The following ACBD6 variants were observed in gnomAD, a reference collection of about 807,000 sequenced individuals.
ACBD6 encodes acyl-CoA binding domain containing 6.
Under a neutral mutation model 37.2 loss-of-function variants are expected in ACBD6, and 28 were observed. The observed-to-expected ratio is 0.75, with a 90% CI of 0.56 to 1.03. The LOEUF (loss-of-function observed/expected upper bound fraction) is 1.03. Ranked by LOEUF, ACBD6 falls within the 50% of genes least tolerant of loss-of-function variation. The probability of loss-of-function intolerance (pLI) is 0.00; values close to 1 mark genes in which losing one functional copy is unlikely to be tolerated. For synonymous variants in ACBD6, 113 were observed against 126.8 expected (o/e 0.89, Z 0.73); for missense variants, 340 against 337.4 (o/e 1.01, Z -0.06).
rs546510628 is a variant in ACBD6, at chr1:180,429,215, C to T, written c.467+965G>A. ...ACTTTTTCATCTTGTAAAACTGAAA[C>T]TCTGTCCCCATTAAACAACTTCCCA... On this transcript the variant is annotated intron_variant, in intron 4 of 7. Coordinates refer to ENST00000367595, the MANE Select transcript of ACBD6 (RefSeq NM_032360.4). Among the ~76,000 whole-genome samples the T allele has an allele frequency of 2.0e-5, 3 of 151,862 alleles. No individual in the cohort carries two copies. The South Asian group carries it at 6.3e-4, about 32-fold the overall frequency.
At chr1:180,463,477 C>T (rs947902051) in intron 3 of ACBD6, among the ~76,000 whole-genome samples, 5 of 152,022 alleles carry the variant, frequency 3.3e-5, no homozygotes, top group Non-Finnish European at 1.5e-5. Flanking sequence ...AATTCCTGAA[C>T]ACATATACTC....
chr1:180,407,723 C>A (rs1462049261), intron 5 of ACBD6, among the ~76,000 whole-genome samples: 2 of 152,184 alleles, frequency 1.3e-5, no homozygotes, highest in African/African-American at 2.4e-5. Flanking sequence ...GGTCTCTGAA[C>A]TTCAGTTCCT....
At chr1:180,440,865 T>C (rs981024646) in intron 3 of ACBD6, among the ~76,000 whole-genome samples, 5 of 152,348 alleles carry the variant, frequency 3.3e-5, no homozygotes, top group East Asian at 3.9e-4. Flanking sequence ...ATCTATATTA[T>C]AGCATGTATC....
intron 3 of ACBD6, among the ~76,000 whole-genome samples, chr1:180,488,812 C>T (rs1462753599): frequency 6.6e-6 from 1 of 152,056 alleles, no homozygotes; most frequent in Non-Finnish European, 1.5e-5. Context: ...AACTCCTGGC[C>T]TCAAGTGATC....
At chr1:180,421,579 GTC>G (rs1199920982) in intron 4 of ACBD6, among the ~76,000 whole-genome samples, 1 of 152,168 alleles carries the variant, frequency 6.6e-6, no homozygotes, top group Non-Finnish European at 1.5e-5. Flanking sequence ...TTGTCACACT[GTC>G]TTCCACAATG....
chr1:180,480,949 G>A (rs1002510452), intron 3 of ACBD6, among the ~76,000 whole-genome samples: 4 of 151,682 alleles, frequency 2.6e-5, no homozygotes, highest in Non-Finnish European at 4.4e-5. Flanking sequence ...GAGAATTGCT[G>A]GAACCCGGGA....
In ACBD6 at chr1:180,314,680, G is replaced by A; in HGVS notation, c.694+12C>T. 1 of 1,519,238 alleles carries A rather than the reference G, an allele frequency of 6.6e-7. No homozygotes were observed. The highest frequency in any genetic ancestry group is 9.1e-7 in the Non-Finnish European group (1 of 1,096,484). The allele number at this position is 1,519,238 out of a possible 1,614,324, so 94.1% of individuals were successfully genotyped here. ...TCAAATATGATTACTTAATAATTTA[G>A]AAACTTCTTACCATAATGTAGAGCT... On this transcript the variant is annotated intron_variant, in intron 7 of 7. Transcript: ENST00000367595.
In ACBD6 at chr1:180,502,492, C is replaced by G. The variant is rs1480033821; in HGVS notation, c.-226G>C. ...ACCCTCTGCCGCTCTGCCCAGTCGA[C>G]CCGGTCTCCTCCGGCTTCCCTCCGG... On this transcript the variant is annotated 5_prime_UTR_variant, in exon 1 of 8. Transcript: ENST00000367595. 2 of 583,036 alleles carry G rather than the reference C, an allele frequency of 3.4e-6. No homozygotes were observed. The highest frequency in any genetic ancestry group is 3.7e-5 in the African/African-American group (2 of 53,946). 36.1% of individuals were successfully genotyped at this position (583,036 alleles called of 1,614,324 possible). A position where few individuals can be genotyped will look rare whatever the true frequency, so the allele number is the denominator to read the frequency against.
At chr1:180,361,347 T>C (rs1035376179) in intron 6 of ACBD6, among the ~76,000 whole-genome samples, 1 of 150,744 alleles carries the variant, frequency 6.6e-6, no homozygotes, top group African/African-American at 2.4e-5. Flanking sequence ...GTCAGGGCGC[T>C]ACCTTAAAGA....
rs79579637 is a variant in ACBD6, at chr1:180,344,608, T to C, written c.664-29886A>G. 2.0e-5 allele frequency among the ~76,000 whole-genome samples: 3 copies of C among 152,332 alleles called. No individual in the cohort carries two copies. In the East Asian group the frequency reaches 5.8e-4, roughly 29 times the overall value. On this transcript the variant is annotated intron_variant, in intron 6 of 7. Coordinates refer to ENST00000367595, the MANE Select transcript of ACBD6 (RefSeq NM_032360.4). ...TGCAGTAAAGAAAAAGGAGCAAACA[T>C]TGACCGAATACCCATTGTGTGCTGG...
intron 3 of ACBD6, among the ~76,000 whole-genome samples, chr1:180,478,759 C>T (rs1650898633): frequency 6.6e-6 from 1 of 152,098 alleles, no homozygotes; most frequent in Non-Finnish European, 1.5e-5. Context: ...GCTGGGATTA[C>T]AGGCATGAGT....
Position 180,303,855 on chromosome 1 carries a change from C to A in ACBD6, c.694+10837G>T, listed in dbSNP as rs181298976. On this transcript the variant is annotated intron_variant, in intron 7 of 7. Coordinates refer to ENST00000367595, the MANE Select transcript of ACBD6 (RefSeq NM_032360.4). ...TGATGAATACTGATGCAAAAATCAT[C>A]AATAAAATACTGGCAAACCGAATCC... Among the ~76,000 whole-genome samples the A allele has an allele frequency of 4.0e-3, 605 of 150,962 alleles. 5 individuals are homozygous for A. The highest frequency in any genetic ancestry group is 0.014 in the African/African-American group (581 of 41,454).
chr1:180,414,095 G>C (rs182475567), intron 4 of ACBD6, among the ~76,000 whole-genome samples: 21 of 152,310 alleles, frequency 1.4e-4, no homozygotes, highest in African/African-American at 4.8e-4. Flanking sequence ...ATCTGAAGCA[G>C]AAGTTCTTAA....
chr1:180,412,752 G>T (rs1392284322), intron 5 of ACBD6, among the ~76,000 whole-genome samples: 2 of 152,060 alleles, frequency 1.3e-5, no homozygotes, highest in African/African-American at 4.8e-5. Context: ...TGTAGTCCTG[G>T]CTACTTGGGA....
chr1:180,450,560 C>T (rs1030333038), intron 3 of ACBD6, among the ~76,000 whole-genome samples: 1 of 152,122 alleles, frequency 6.6e-6, no homozygotes, highest in Non-Finnish European at 1.5e-5. Context: ...AGATCGAGAC[C>T]ATCCTGGCTA....
downstream of ACBD6, among the ~76,000 whole-genome samples, chr1:180,285,974 T>C (rs577626177): frequency 6.6e-6 from 1 of 152,206 alleles, no homozygotes; most frequent in Non-Finnish European, 1.5e-5. Flanking sequence ...TAGTTTCTGA[T>C]TGGTAATTCA....
rs537201435 is a variant in ACBD6 at position 180,300,504 on chromosome 1, C to T, written c.695-11987G>A. 1.8e-4 allele frequency among the ~76,000 whole-genome samples: 28 copies of T among 152,130 alleles called. No individual in the cohort carries two copies. The East Asian group carries it at 2.3e-3, about 13-fold the overall frequency. ...AATAACCCACTCCTATAAGTGATTA[C>T]GAATTAAACTTAAAATAGTAATTTT... On this transcript the variant is annotated intron_variant, in intron 7 of 7. Coordinates refer to ENST00000367595, the MANE Select transcript of ACBD6 (RefSeq NM_032360.4).
intron 3 of ACBD6, among the ~76,000 whole-genome samples, chr1:180,457,981 A>G (rs951402484): frequency 3.3e-5 from 5 of 151,996 alleles, no homozygotes; most frequent in Admixed American, 1.3e-4. Context: ...TTTTTAGTAG[A>G]GACAGGATTT....
chr1:180,270,985 A>G, exon 14 of ACBD6: 1 of 313,344 alleles, frequency 3.2e-6, no homozygotes, highest in East Asian at 8.3e-5. Flanking sequence ...GCGACTTTGA[A>G]CATGACTTCA....
Sources: gnomAD v4.1 joint callset for allele counts (sites outside exome capture counted in the v4.1 genomes callset) on GRCh38, gnomAD v4.1.1 for gene constraint, MANE v1.5 for transcripts, NCBI Gene and HGNC (gene_info 2026-07-23, HGNC 2026-07-21) for gene names.